Variants in GFPT2 observed in about 807,000 individuals in gnomAD.
GFPT2 encodes the protein glutamine--fructose-6-phosphate aminotransferase [isomerizing] 2.
Under a neutral mutation model 85.6 loss-of-function variants are expected in GFPT2, and 62 were observed. The ratio of observed to expected loss-of-function variants is 0.72; its 90% CI spans 0.59 to 0.90. The LOEUF (loss-of-function observed/expected upper bound fraction) is 0.90, where lower values mean the gene tolerates loss of function less well. GFPT2 is among the 40% of genes least tolerant of loss of function. The pLI, the probability that GFPT2 is intolerant of heterozygous loss-of-function variation, is 0.00. For synonymous variants in GFPT2, 368 were observed against 344.5 expected (o/e 1.07, Z -0.75); for missense variants, 788 against 893.4 (o/e 0.88, Z 1.50).
chr5:180,302,973 T>G (rs1763705987), intron 17 of GFPT2, among the ~76,000 whole-genome samples: 1 of 152,100 alleles, frequency 6.6e-6, no homozygotes, highest in Non-Finnish European at 1.5e-5. Flanking sequence ...CTCACGCCTG[T>G]AATCCCAACA....
Position 180,307,158 on chromosome 5 carries a change from CTGGGGG to C in GFPT2, c.1674+12_1674+17del. The stretch of plus-strand genomic sequence containing the variant: ...TGCCTGTCCTCCGTGGGGGTGGGGG[CTGGGGG>C]TGGGGGCTCACCAGGGCTCCTTCCA... On this transcript the variant is annotated intron_variant, in intron 16 of 18. Transcript: ENST00000253778. 8.8e-6 allele frequency: 4 copies of C among 452,388 alleles called. No homozygotes were observed. The highest frequency in any genetic ancestry group is 1.4e-5 in the Non-Finnish European group (4 of 294,854). The allele number at this position is 452,388 out of a possible 1,614,324, so 28.0% of individuals were successfully genotyped here.
intron 1 of GFPT2, among the ~76,000 whole-genome samples, chr5:180,341,089 A>ACCAGAGCCACAGGGGAGCCTGTGACTCGT (rs1189669504): frequency 4.6e-5 from 7 of 152,180 alleles, no homozygotes; most frequent in African/African-American, 1.4e-4. Flanking sequence ...TAACTTCTGG[A>ACCAGAGCCACAGGGGAGCCTGTGACTCGT]CCAGAGCCAC....
intron 1 of GFPT2, chr5:180,352,496 C>T (rs1194040830): frequency 4.5e-6 from 2 of 448,562 alleles, no homozygotes; most frequent in South Asian, 1.6e-5. Flanking sequence ...CGCAGCCACG[C>T]GGGACAGCGC....
intron 2 of GFPT2, among the ~76,000 whole-genome samples, chr5:180,336,835 C>T (rs1487141974): frequency 1.3e-5 from 2 of 152,360 alleles, no homozygotes; most frequent in Non-Finnish European, 2.9e-5. Flanking sequence ...GTGAGCCCCT[C>T]GGGACACTTC....
At position 180,311,125 on chromosome 5, in the gene GFPT2, C is replaced by G. The variant is rs933582078; in HGVS notation, c.1546+1305G>C. On this transcript the variant is annotated intron_variant, in intron 15 of 18. Transcript: ENST00000253778. Reference sequence around the variant, plus strand: ...GATGGCCCTTCCCCAACTGCCTGCTCTGGGGTTTGGCCCTGGCTCCCAGGG... The same window carrying G: ...GATGGCCCTTCCCCAACTGCCTGCTGTGGGGTTTGGCCCTGGCTCCCAGGG... Among the ~76,000 whole-genome samples the G allele has an allele frequency of 2.3e-4, 35 of 152,250 alleles. 1 individual carries two copies.
At chr5:180,338,844 T>C (rs1764452986) in intron 1 of GFPT2, among the ~76,000 whole-genome samples, 1 of 152,204 alleles carries the variant, frequency 6.6e-6, no homozygotes, top group Admixed American at 6.5e-5. Context: ...GAACTTATCC[T>C]ATGCTGTACT....
intron 1 of GFPT2, among the ~76,000 whole-genome samples, chr5:180,343,600 C>T (rs951834987): frequency 6.6e-6 from 1 of 152,258 alleles, no homozygotes; most frequent in African/African-American, 2.4e-5. Flanking sequence ...TTTTGCAGCT[C>T]ATCCTCTTGG....
chr5:180,341,283 A>G (rs1162909010), intron 1 of GFPT2, among the ~76,000 whole-genome samples: 1 of 152,226 alleles, frequency 6.6e-6, no homozygotes, highest in Non-Finnish European at 1.5e-5. Flanking sequence ...AAATTTTTCC[A>G]GAGGTGAACC....
intron 13 of GFPT2, among the ~76,000 whole-genome samples, chr5:180,314,620 C>T (rs1214910129): frequency 2.6e-5 from 4 of 152,196 alleles, no homozygotes; most frequent in African/African-American, 7.2e-5. Flanking sequence ...GTTTGCAGGG[C>T]CACTGCTCTT....
intron 9 of GFPT2, among the ~76,000 whole-genome samples, chr5:180,322,735 T>TA (rs1451506217): frequency 7.9e-5 from 12 of 151,912 alleles, no homozygotes; most frequent in East Asian, 5.8e-4. Flanking sequence ...TGCCTTTTTT[T>TA]TAAAAAAAAA....
In GFPT2 at chr5:180,353,290, C is replaced by A; in HGVS notation, c.-73G>T. The stretch of plus-strand genomic sequence containing the variant: ...TCGGACGCTGGGGCTCCTCCGTGGG[C>A]TCCTCCGTGGGCTCCGTGGGCTCCG... On this transcript the variant is annotated 5_prime_UTR_variant, in exon 1 of 19. Coordinates refer to ENST00000253778, the MANE Select transcript of GFPT2 (RefSeq NM_005110.4). 8.8e-7 allele frequency: 1 copy of A among 1,135,262 alleles called. No individual in the cohort carries two copies. 70.3% of individuals were successfully genotyped at this position (1,135,262 alleles called of 1,614,324 possible).
At chr5:180,304,726 G>A in intron 17 of GFPT2, 46 bp downstream of exon 17, 1 of 1,548,732 alleles carries the variant, frequency 6.5e-7, no homozygotes, top group Non-Finnish European at 8.9e-7. Context: ...GGCATGCATG[G>A]GGAAAAGCAG....
At chr5:180,327,048 A>C (rs1764221685) in intron 7 of GFPT2, among the ~76,000 whole-genome samples, 1 of 152,196 alleles carries the variant, frequency 6.6e-6, no homozygotes, top group Non-Finnish European at 1.5e-5. Context: ...GTTTTAGAAA[A>C]GGTTAAAAAA....
intron 4 of GFPT2, among the ~76,000 whole-genome samples, chr5:180,334,953 G>A (rs1764367801): frequency 6.6e-6 from 1 of 152,244 alleles, no homozygotes; most frequent in Admixed American, 6.5e-5. Context: ...CCCCATGAGA[G>A]GGGGCAAGGG....
In GFPT2 at chr5:180,318,588, C is replaced by G. The variant is rs116787170; in HGVS notation, c.958+205G>C. ...AGGAAAGACCTGGCGGCTGGCTGCA[C>G]ACAGGAGCCCCCGCTTGGAGGTGCC... On this transcript the variant is annotated intron_variant, in intron 10 of 18. Transcript: ENST00000253778. This position sits in a 1 kb window ranked among gnomAD's most constrained non-coding sequence, Gnocchi z 4.2. 1,999 of 569,432 alleles carry G rather than the reference C, an allele frequency of 3.5e-3. 37 individuals carry two copies. The highest frequency in any genetic ancestry group is 0.034 in the African/African-American group (1,829 of 53,398). The allele number at this position is 569,432 out of a possible 1,614,324, so 35.3% of individuals were successfully genotyped here. A position where few individuals can be genotyped will look rare whatever the true frequency, so the allele number is the denominator to read the frequency against.
intron 2 of GFPT2, among the ~76,000 whole-genome samples, chr5:180,338,019 A>C (rs75099308): frequency 0.15 from 22,573 of 152,140 alleles, 1,858 homozygotes; most frequent in East Asian, 0.19. Context: ...GTAGTCCCAG[A>C]TGCTGAGGAG....
intron 15 of GFPT2, among the ~76,000 whole-genome samples, chr5:180,312,228 A>AGGGAG (rs1763907770): frequency 7.3e-6 from 1 of 137,114 alleles, no homozygotes. Flanking sequence ...GCAGGGAGGC[A>AGGGAG]GCGCGGCAGC....
chr5:180,313,708 AG>A, intron 14 of GFPT2, 98 bp downstream of exon 14: 1 of 999,248 alleles, frequency 1.0e-6, no homozygotes, highest in South Asian at 1.8e-5. Context: ...GGGGAAAGAA[AG>A]GCGGTGGCGC....
At chr5:180,314,295 T>G (rs1022961018) in intron 13 of GFPT2, among the ~76,000 whole-genome samples, 1 of 152,200 alleles carries the variant, frequency 6.6e-6, no homozygotes, top group Admixed American at 6.5e-5. Flanking sequence ...CAGGTGGGCT[T>G]GGCTCCCAGC....
Sources: gnomAD v4.1 joint callset for allele counts (sites outside exome capture counted in the v4.1 genomes callset) on GRCh38, gnomAD v4.1.1 for gene constraint, Gnocchi (gnomAD v3.1) non-coding constraint, MANE v1.5 for transcripts, NCBI Gene and HGNC (gene_info 2026-07-23, HGNC 2026-07-21) for gene names.